E4F1: variants seen among roughly 807,000 people sequenced by gnomAD.
E4F1 encodes transcription factor E4F1.
E4F1 carries 30 observed loss-of-function variants against 72.9 expected under a neutral mutation model. The ratio of observed to expected loss-of-function variants is 0.41; its 90% CI spans 0.31 to 0.56. The LOEUF (loss-of-function observed/expected upper bound fraction) is 0.56. E4F1 is among the 20% of genes least tolerant of loss of function. The probability of loss-of-function intolerance (pLI) is 0.25; values close to 1 mark genes in which losing one functional copy is unlikely to be tolerated. For synonymous variants in E4F1, 542 were observed against 478.2 expected (o/e 1.13, Z -1.74); for missense variants, 1,091 against 1,117.5 (o/e 0.98, Z 0.34).
intron 2 of E4F1, 132 bp from the exon 3 acceptor site, chr16:2,229,438 G>A (rs1169721819): frequency 1.7e-5 from 15 of 886,294 alleles, no homozygotes; most frequent in Non-Finnish European, 2.5e-5. Context: ...GCCGTCCCAA[G>A]GACGTGGACC....
rs558842274 is a variant in E4F1, at chr16:2,225,761, C to T, written c.157+1991C>T. Among the ~76,000 whole-genome samples the T allele has an allele frequency of 1.7e-4, 25 of 146,684 alleles. No individual in the cohort carries two copies. The East Asian group carries it at 1.9e-3, about 11-fold the overall frequency. On this transcript the variant is annotated intron_variant, in intron 1 of 13. Coordinates refer to ENST00000301727, the MANE Select transcript of E4F1 (RefSeq NM_004424.5). ...TGCTGGGAATACAGTCGTGCGCCACCGTGCCCGGCTCCTCCCAGTCTCTGT... is the reference window on the plus strand; with the variant it reads ...TGCTGGGAATACAGTCGTGCGCCACTGTGCCCGGCTCCTCCCAGTCTCTGT...
In E4F1 at chr16:2,233,436, A is replaced by G; in HGVS notation, c.1057-2A>G. The G allele has an allele frequency of 6.6e-7, 1 of 1,510,588 alleles. No homozygotes were observed. The allele number at this position is 1,510,588 out of a possible 1,614,324, so 93.6% of individuals were successfully genotyped here. A position where few individuals can be genotyped will look rare whatever the true frequency, so the allele number is the denominator to read the frequency against. On this transcript the variant is annotated splice_acceptor_variant, in intron 7 of 13. Transcript: ENST00000301727. LOFTEE classifies it high-confidence loss of function. ...AGCCTCCTCTCTCTGCCTCCCCTGCAGCCCCCCGTCTCCCAGGAGCTCCCC... is the reference window on the plus strand; with the variant it reads ...AGCCTCCTCTCTCTGCCTCCCCTGCGGCCCCCCGTCTCCCAGGAGCTCCCC...
rs200965712 is a variant in E4F1 at position 2,233,053 on chromosome 16, C to T, written c.926C>T (p.Ser309Leu). 1.3e-5 allele frequency: 21 copies of T among 1,610,788 alleles called. No homozygotes were observed. The highest frequency in any genetic ancestry group is 3.3e-5 in the South Asian group (3 of 91,032). The change falls in exon 7 of 14, where the codon TCG (serine) becomes TTG (leucine). Residue 309 changes from serine (S) to leucine (L), a missense_variant. Around this residue, in one of 5 missense-constraint regions of E4F1, gnomAD observed 101 missense variants for 97.4 expected, o/e 1.04. Coordinates refer to ENST00000301727, the MANE Select transcript of E4F1 (RefSeq NM_004424.5). ...GCCGGCTTGGGGACAGCCACATCAT[C>T]GGTGACAGGCGAGCCTATAGAGACT... ...GAAGLGTATSSVTGEPIETSP... is the reference protein window; with the variant it reads ...GAAGLGTATSLVTGEPIETSP...
At position 2,233,546 on chromosome 16, in the gene E4F1, G is replaced by A. The variant is rs1452359962; in HGVS notation, c.1165G>A (p.Glu389Lys). 1.3e-6 allele frequency: 2 copies of A among 1,521,384 alleles called. No individual in the cohort carries two copies. Among genetic ancestry groups the A allele is most frequent in the East Asian group, 4.7e-5 (2 of 42,876 alleles). 94.2% of individuals were successfully genotyped at this position (1,521,384 alleles called of 1,614,324 possible). Residue 389 changes from glutamate to lysine, a missense_variant, in exon 8 of 14, where the codon GAG (glutamate) becomes AAG (lysine). Physicochemically the swap from Glu to Lys is moderately conservative, Grantham distance 56. Coordinates refer to ENST00000301727, the MANE Select transcript of E4F1 (RefSeq NM_004424.5). Reference protein sequence around the residue: ...GIVLERAAGEEGALEPAPAAG... With the variant: ...GIVLERAAGEKGALEPAPAAG... ...CGTCCTTGAGCGCGCTGCTGGGGAG[G>A]AGGGTGCCCTGGAGCCAGCTCCTGC...
At chr16:2,229,332 G>A (rs1048412283) in intron 2 of E4F1, among the ~76,000 whole-genome samples, 2 of 152,228 alleles carry the variant, frequency 1.3e-5, no homozygotes, top group Non-Finnish European at 2.9e-5. Context: ...CACGTGGCCA[G>A]AGGTGTGAGA....
chr16:2,224,472 A>G (rs891079569), intron 1 of E4F1, among the ~76,000 whole-genome samples: 1 of 152,164 alleles, frequency 6.6e-6, no homozygotes, highest in Non-Finnish European at 1.5e-5. Context: ...GGGGATGAGG[A>G]AAATCGAAGG....
intron 1 of E4F1, among the ~76,000 whole-genome samples, chr16:2,227,081 C>T (rs2093436698): frequency 6.6e-6 from 1 of 152,214 alleles, no homozygotes; most frequent in South Asian, 2.1e-4. Flanking sequence ...TGCCCTGTTG[C>T]CCTGGCTGAA....
chr16:2,233,739 G>A lies in E4F1; in HGVS notation c.1266+92G>A, dbSNP rs965764045. ...CTTCGCCTCCCTGAAGTGGCTTTCTGCAGTGACTTTGTCCATTGATCTGTT... is the reference window on the plus strand; with the variant it reads ...CTTCGCCTCCCTGAAGTGGCTTTCTACAGTGACTTTGTCCATTGATCTGTT... On this transcript the variant is annotated intron_variant, in intron 8 of 13. Coordinates refer to ENST00000301727, the MANE Select transcript of E4F1 (RefSeq NM_004424.5). 1.6e-5 allele frequency: 23 copies of A among 1,453,844 alleles called. No individual in the cohort carries two copies. The African/African-American group carries it at 2.7e-4, about 17-fold the overall frequency. 90.1% of individuals were successfully genotyped at this position (1,453,844 alleles called of 1,614,324 possible). A position where few individuals can be genotyped will look rare whatever the true frequency, so the allele number is the denominator to read the frequency against.
rs2093482072 is a variant in E4F1 at position 2,233,528 on chromosome 16, G to C, written c.1147G>C (p.Glu383Gln). The C allele has an allele frequency of 5.9e-6, 9 of 1,522,978 alleles. No individual in the cohort carries two copies. Among genetic ancestry groups the C allele is most frequent in the Non-Finnish European group, 7.0e-6 (8 of 1,135,836 alleles). The allele number at this position is 1,522,978 out of a possible 1,614,324, so 94.3% of individuals were successfully genotyped here. ...QAMQNSGIVL[E>Q]RAAGEEGALE... ...CATGCAGAACTCCGGCATCGTCCTTGAGCGCGCTGCTGGGGAGGAGGGTGC... is the reference window on the plus strand; with the variant it reads ...CATGCAGAACTCCGGCATCGTCCTTCAGCGCGCTGCTGGGGAGGAGGGTGC... The change falls in exon 8 of 14, where the codon GAG becomes CAG. Residue 383 changes from glutamate to glutamine, a missense_variant. Physicochemically the swap from Glu to Gln is conservative, Grantham distance 29. This residue lies in a region of E4F1 where 622 missense variants were observed against 628.0 expected (regional missense o/e 0.99). Transcript: ENST00000301727.
rs564972673 is a variant in E4F1, at chr16:2,225,333, G to C, written c.157+1563G>C. ...GCTTGGGTCTGTACCCTCTGAGCTT[G>C]TCCTATGAGGCTGCAGATGGCTGGG... On this transcript the variant is annotated intron_variant, in intron 1 of 13. Transcript: ENST00000301727. Among the ~76,000 whole-genome samples, 10 of 152,010 alleles carry C rather than the reference G, an allele frequency of 6.6e-5. No individual in the cohort carries two copies. The East Asian group carries it at 1.9e-3, about 30-fold the overall frequency.
At position 2,234,722 on chromosome 16, in the gene E4F1, A is replaced by G. The variant is rs2093493355; in HGVS notation, c.1733A>G (p.Tyr578Cys). The change falls in exon 11 of 14, where the codon TAC (tyrosine) becomes TGC (cysteine). Residue 578 changes from tyrosine to cysteine, a missense_variant. By Grantham distance (194) the Tyr-to-Cys change is radical. Around this residue, in one of 5 missense-constraint regions of E4F1, gnomAD observed 622 missense variants for 628.0 expected, o/e 0.99. Transcript: ENST00000301727. Reference sequence around the variant, plus strand: ...ACAGGCGAGAAGCCGTTCAAGTGCTACAAGTGCGGCCGTGGCTTCGCCGAG... The same window carrying G: ...ACAGGCGAGAAGCCGTTCAAGTGCTGCAAGTGCGGCCGTGGCTTCGCCGAG... ...HHTGEKPFKC[Y>C]KCGRGFAEHG... The G allele has an allele frequency of 1.9e-6, 3 of 1,562,640 alleles. No homozygotes were observed. The highest frequency in any genetic ancestry group is 2.4e-5 in the East Asian group (1 of 41,964).
At position 2,235,585 on chromosome 16, in the gene E4F1, G is replaced by C. The variant is rs745359999; in HGVS notation, c.*13G>C. On this transcript the variant is annotated 3_prime_UTR_variant, in exon 14 of 14. Transcript: ENST00000301727. ...GGTCATCGTCTAGCATGAGGTCTGC[G>C]GGGTCCTGGCCGGGCAGGGACAGGG... 17 of 1,572,052 alleles carry C rather than the reference G, an allele frequency of 1.1e-5. No individual in the cohort carries two copies. In the South Asian group the frequency reaches 2.0e-4, roughly 18 times the overall value.
chr16:2,232,871 C>G lies in E4F1; in HGVS notation c.846C>G (p.Ser282Arg). The G allele has an allele frequency of 1.9e-6, 3 of 1,613,436 alleles. No homozygotes were observed. The highest frequency in any genetic ancestry group is 2.5e-6 in the Non-Finnish European group (3 of 1,180,014). The stretch of plus-strand genomic sequence containing the variant: ...CAGAGAAAATCCGCTTCAGTGTGAG[C>G]AAGGACGTGGTTGTCAGCAAAGAGG... The part of the protein sequence containing the change: ...PCTEKIRFSV[S>R]KDVVVSKEDA... Residue 282 changes from serine to arginine, a missense_variant, in exon 6 of 14, where the codon AGC becomes AGG. Physicochemically the swap from Ser to Arg is moderately radical, Grantham distance 110 (BLOSUM62 -1). Around this residue, in one of 5 missense-constraint regions of E4F1, gnomAD observed 101 missense variants for 97.4 expected, o/e 1.04. Coordinates refer to ENST00000301727, the MANE Select transcript of E4F1 (RefSeq NM_004424.5).
chr16:2,228,449 C>G lies in E4F1; in HGVS notation c.235C>G (p.Gln79Glu), dbSNP rs971926665. Residue 79 changes from glutamine to glutamate, a missense_variant, in exon 2 of 14, where the codon CAG becomes GAG. Coordinates refer to ENST00000301727, the MANE Select transcript of E4F1 (RefSeq NM_004424.5). ...ALEDFVQHKI[Q>E]KACQRAPPEA... ...GGAGGATTTTGTTCAGCACAAGATTCAGAAGGCCTGCCAGCGGGCCCCTCC... is the reference window on the plus strand; with the variant it reads ...GGAGGATTTTGTTCAGCACAAGATTGAGAAGGCCTGCCAGCGGGCCCCTCC... The G allele has an allele frequency of 6.2e-7, 1 of 1,613,556 alleles. No individual in the cohort carries two copies. The highest frequency in any genetic ancestry group is 8.5e-7 in the Non-Finnish European group (1 of 1,180,014).
At chr16:2,231,050 G>A in intron 3 of E4F1, 1 of 152,608 alleles carries the variant, frequency 6.6e-6, no homozygotes, top group Non-Finnish European at 1.5e-5. Context: ...CCCTTTGCGG[G>A]CATCCTGGGT....
intron 9 of E4F1, 83 bp from the exon 10 acceptor site, chr16:2,234,088 G>A: frequency 6.4e-7 from 1 of 1,561,586 alleles, no homozygotes; most frequent in Non-Finnish European, 8.7e-7. Flanking sequence ...ACAGCAGGGA[G>A]CCAGGGGATC....
At chr16:2,233,691 C>A in intron 8 of E4F1, 44 bp downstream of exon 8, 1 of 1,516,914 alleles carries the variant, frequency 6.6e-7, no homozygotes, top group Non-Finnish European at 8.8e-7. Context: ...GGGCTGGATC[C>A]CAGGGGCTGT....
At chr16:2,235,044 C>T (rs1165231543) in intron 12 of E4F1, 37 bp from the exon 13 acceptor site, 11 of 1,611,876 alleles carry the variant, frequency 6.8e-6, no homozygotes, top group Non-Finnish European at 9.3e-6. Context: ...CCAGGGGCAG[C>T]CAAGGCTGAC....
In E4F1 at chr16:2,232,777, C is replaced by T. The variant is rs1239659557; in HGVS notation, c.752C>T (p.Ser251Phe). ...RHTDERPYKC[S>F]KCGKSFRESG... ...GCAGATGAGCGCCCCTACAAGTGCT[C>T]CAAGTGTGGAAAGAGCTTCCGGGAG... Residue 251 changes from serine (S) to phenylalanine (F), a missense_variant, in exon 6 of 14, where the codon TCC becomes TTC. Around this residue, in one of 5 missense-constraint regions of E4F1, gnomAD observed 362 missense variants for 358.6 expected, o/e 1.01. Coordinates refer to ENST00000301727, the MANE Select transcript of E4F1 (RefSeq NM_004424.5). 1.2e-6 allele frequency: 2 copies of T among 1,613,364 alleles called. No homozygotes were observed. The highest frequency in any genetic ancestry group is 8.5e-7 in the Non-Finnish European group (1 of 1,180,020).
Sources: gnomAD v4.1 joint callset for allele counts (sites outside exome capture counted in the v4.1 genomes callset) on GRCh38, gnomAD v4.1.1 for gene constraint, gnomAD v4.1.1 regional missense constraint, MANE v1.5 for transcripts, NCBI Gene and HGNC (gene_info 2026-07-23, HGNC 2026-07-21) for gene names.